SGCZ: variants seen among roughly 807,000 people sequenced by gnomAD.
The protein encoded by SGCZ is sarcoglycan zeta, also known as zeta-sarcoglycan.
Under a neutral mutation model 41.3 loss-of-function variants are expected in SGCZ, and 40 were observed. The ratio of observed to expected loss-of-function variants is 0.97; its 90% CI spans 0.75 to 1.26. The LOEUF (loss-of-function observed/expected upper bound fraction) is 1.26, where lower values mean the gene tolerates loss of function less well. SGCZ is among the 50% of genes most tolerant of loss of function. The pLI is 0.00. For synonymous variants in SGCZ, 206 were observed against 137.5 expected, an observed-to-expected ratio of 1.50 and a Z score of -3.49; for missense variants, 552 against 369.8, an observed-to-expected ratio of 1.49 and a Z score of -4.04.
intron 1 of SGCZ, among the ~76,000 whole-genome samples, chr8:15,028,810 A>G (rs117515822): frequency 0.027 from 4,062 of 152,166 alleles, 78 homozygotes; most frequent in Non-Finnish European, 0.04. Context: ...TCTTCCTTAT[A>G]AAGGACTAAA....
chr8:14,956,518 G>A (rs1229943516), intron 1 of SGCZ, among the ~76,000 whole-genome samples: 5 of 151,712 alleles, frequency 3.3e-5, no homozygotes, highest in Non-Finnish European at 7.4e-5. Flanking sequence ...CAAATAAACA[G>A]GATAGTTTTC....
At chr8:14,787,866 C>G (rs1022423100) in intron 1 of SGCZ, among the ~76,000 whole-genome samples, 5 of 152,028 alleles carry the variant, frequency 3.3e-5, no homozygotes, top group Admixed American at 2.0e-4. Context: ...AGGAATATTC[C>G]TATTCTGTAT....
intron 1 of SGCZ, among the ~76,000 whole-genome samples, chr8:15,137,838 G>A (rs1808171093): frequency 6.6e-6 from 1 of 152,316 alleles, no homozygotes; most frequent in South Asian, 2.1e-4. Context: ...GGAAATGTGG[G>A]GTTGGAGCCC....
chr8:14,975,040 T>C (rs2130870168), intron 1 of SGCZ, among the ~76,000 whole-genome samples: 1 of 152,084 alleles, frequency 6.6e-6, no homozygotes, highest in South Asian at 2.1e-4. Flanking sequence ...TCTATAAGAA[T>C]TCCAGCCTCG....
At chr8:14,473,768 T>G (rs1332552273) in intron 2 of SGCZ, among the ~76,000 whole-genome samples, 1 of 151,864 alleles carries the variant, frequency 6.6e-6, no homozygotes, top group Non-Finnish European at 1.5e-5. Context: ...AAACCCTGTC[T>G]CTACTAAAAA....
chr8:14,875,408 A>T (rs1057143875), intron 1 of SGCZ, among the ~76,000 whole-genome samples: 3 of 152,176 alleles, frequency 2.0e-5, no homozygotes, highest in Admixed American at 2.0e-4. Flanking sequence ...TGGAGGGGAC[A>T]TACATTCAAA....
chr8:14,441,312 C>T (rs1800254892), intron 2 of SGCZ, among the ~76,000 whole-genome samples: 2 of 152,230 alleles, frequency 1.3e-5, no homozygotes, highest in Non-Finnish European at 1.5e-5. Flanking sequence ...GACAGTGGCT[C>T]ACGCCCGTAA....
At chr8:14,630,535 G>T (rs1485416624) in intron 1 of SGCZ, among the ~76,000 whole-genome samples, 2 of 151,566 alleles carry the variant, frequency 1.3e-5, no homozygotes, top group Non-Finnish European at 2.9e-5. Context: ...TACACCCAAA[G>T]GATTATAAAT....
At chr8:14,107,121 C>A (rs1362718539) in intron 6 of SGCZ, among the ~76,000 whole-genome samples, 2 of 151,828 alleles carry the variant, frequency 1.3e-5, no homozygotes, top group Non-Finnish European at 1.5e-5. Flanking sequence ...GAGGCTGAGG[C>A]AGGAGAATGG....
chr8:15,034,088 C>A (rs1803784861), intron 1 of SGCZ, among the ~76,000 whole-genome samples: 1 of 151,896 alleles, frequency 6.6e-6, no homozygotes, highest in South Asian at 2.1e-4. Flanking sequence ...AAAAGAAAAC[C>A]CACAATAATC....
intron 3 of SGCZ, among the ~76,000 whole-genome samples, chr8:14,249,339 CTGG>C (rs553085182): frequency 9.9e-4 from 151 of 152,210 alleles, no homozygotes; most frequent in African/African-American, 2.9e-3. Flanking sequence ...ACAGGCTTTC[CTGG>C]GTCTCCAACT....
chr8:14,353,578 G>A (rs903004708), intron 2 of SGCZ, among the ~76,000 whole-genome samples: 8 of 151,956 alleles, frequency 5.3e-5, no homozygotes, highest in South Asian at 2.1e-4. Context: ...AATTCACAAC[G>A]GTGAGACTTA....
intron 1 of SGCZ, among the ~76,000 whole-genome samples, chr8:14,976,223 A>G (rs2130872361): frequency 6.6e-6 from 1 of 151,914 alleles, no homozygotes; most frequent in South Asian, 2.1e-4. Context: ...TGGTTTCACC[A>G]TGTTGGCCAG....
At chr8:14,537,729 G>T (rs1214881262) in intron 2 of SGCZ, among the ~76,000 whole-genome samples, 1 of 151,776 alleles carries the variant, frequency 6.6e-6, no homozygotes, top group Non-Finnish European at 1.5e-5. Context: ...GTCATTGAAT[G>T]TTCCCCCCTC....
chr8:14,105,619 A>C (rs937142177), intron 6 of SGCZ, among the ~76,000 whole-genome samples: 24 of 152,000 alleles, frequency 1.6e-4, no homozygotes, highest in Non-Finnish European at 1.6e-4. Context: ...CTTCTGTTTC[A>C]GTTTGGAAAT....
intron 2 of SGCZ, among the ~76,000 whole-genome samples, chr8:14,476,443 A>G (rs1441907198): frequency 6.6e-6 from 1 of 151,994 alleles, no homozygotes; most frequent in Non-Finnish European, 1.5e-5. Context: ...AGAACCCTGA[A>G]TAATATATAT....
chr8:14,728,379 G>GAAA (rs35151621), intron 1 of SGCZ, among the ~76,000 whole-genome samples: 9 of 138,286 alleles, frequency 6.5e-5, no homozygotes, highest in South Asian at 2.3e-4. Context: ...AGAGTGGAAA[G>GAAA]AAAAAAAAAA....
At chr8:14,962,541 A>G in intron 1 of SGCZ, among the ~76,000 whole-genome samples, 1 of 152,182 alleles carries the variant, frequency 6.6e-6, no homozygotes, top group Non-Finnish European at 1.5e-5. Context: ...CAGCTTGAAT[A>G]GTTACTGGTT....
intron 1 of SGCZ, among the ~76,000 whole-genome samples, chr8:14,619,267 T>G (rs1169047907): frequency 6.6e-6 from 1 of 152,090 alleles, no homozygotes; most frequent in East Asian, 1.9e-4. Flanking sequence ...TCTCAATAAA[T>G]TAGGTATTGA....
Sources: allele counts gnomAD v4.1 joint callset (sites outside exome capture counted in the v4.1 genomes callset), GRCh38; gene constraint gnomAD v4.1.1; transcripts MANE v1.5; gene names NCBI Gene and HGNC (gene_info 2026-07-23, HGNC 2026-07-21).